LSAMP: variants seen among roughly 807,000 people sequenced by gnomAD.
LSAMP encodes the protein limbic system associated membrane protein, also known as limbic system-associated membrane protein.
A neutral mutation model predicts 38.6 loss-of-function variants in LSAMP; 7 were observed. The ratio of observed to expected loss-of-function variants is 0.18; its 90% CI spans 0.10 to 0.34. The LOEUF (loss-of-function observed/expected upper bound fraction) is 0.34, where lower values mean the gene tolerates loss of function less well. Ranked by LOEUF, LSAMP falls within the 10% of genes least tolerant of loss-of-function variation. The probability of loss-of-function intolerance (pLI) is 1.00; values close to 1 mark genes in which losing one functional copy is unlikely to be tolerated. For missense variants in LSAMP, 313 were observed against 420.0 expected, an observed-to-expected ratio of 0.75 and a Z score of 2.23; for synonymous variants, 154 against 166.8, an observed-to-expected ratio of 0.92 and a Z score of 0.59.
chr3:115,918,003 A>T (rs1278235037), intron 3 of LSAMP, among the ~76,000 whole-genome samples: 1 of 152,184 alleles, frequency 6.6e-6, no homozygotes, highest in Admixed American at 6.5e-5. Flanking sequence ...TTAAAGTTCC[A>T]TGAGAAGCAG....
chr3:116,371,645 T>C (rs2048430661), intron 1 of LSAMP, among the ~76,000 whole-genome samples: 1 of 152,112 alleles, frequency 6.6e-6, no homozygotes, highest in African/African-American at 2.4e-5. Flanking sequence ...GTGTGTGCTT[T>C]CATCACTTCT....
intron 1 of LSAMP, among the ~76,000 whole-genome samples, chr3:116,141,295 T>G (rs1709363007): frequency 6.6e-6 from 1 of 151,900 alleles, no homozygotes; most frequent in Non-Finnish European, 1.5e-5. Flanking sequence ...TGCCTCTATT[T>G]TTGGACAATT....
At chr3:116,369,627 A>G (rs1368262936) in intron 1 of LSAMP, among the ~76,000 whole-genome samples, 2 of 152,214 alleles carry the variant, frequency 1.3e-5, no homozygotes, top group African/African-American at 4.8e-5. Context: ...TAGAGGTGTT[A>G]GTGAAAATAG....
At chr3:115,987,805 C>A (rs778427975) in intron 3 of LSAMP, among the ~76,000 whole-genome samples, 2 of 152,040 alleles carry the variant, frequency 1.3e-5, no homozygotes, top group African/African-American at 2.4e-5. Context: ...GCATATTTTG[C>A]AGTCAGGAGA....
rs1442446471 is a variant in LSAMP, at chr3:116,081,049, T to TA, written c.388+5274dup. ...GAGCGATTCTGAGAGAAAAATGAGATACCGTCTTGGAGTTCTGGGTAACAG... is the reference window on the plus strand; with the variant it reads ...GAGCGATTCTGAGAGAAAAATGAGATAACCGTCTTGGAGTTCTGGGTAACAG... On this transcript the variant is annotated intron_variant, in intron 2 of 6. Coordinates refer to ENST00000490035, the MANE Select transcript of LSAMP (RefSeq NM_002338.5). Among the ~76,000 whole-genome samples, 9 of 152,282 alleles carry TA rather than the reference T, an allele frequency of 5.9e-5. No homozygotes were observed. The East Asian group carries it at 1.7e-3, about 29-fold the overall frequency.
intron 3 of LSAMP, among the ~76,000 whole-genome samples, chr3:115,895,499 T>A (rs1317604282): frequency 6.6e-6 from 1 of 151,956 alleles, no homozygotes; most frequent in Non-Finnish European, 1.5e-5. Context: ...TAAACAAAAA[T>A]ACAAACAGCC....
intron 1 of LSAMP, among the ~76,000 whole-genome samples, chr3:116,103,021 TA>T (rs1362805977): frequency 6.6e-6 from 1 of 152,192 alleles, no homozygotes; most frequent in East Asian, 1.9e-4. Flanking sequence ...AAAAAAACTT[TA>T]CTAAAGGAAG....
At chr3:116,116,797 A>G (rs1263198438) in intron 1 of LSAMP, among the ~76,000 whole-genome samples, 1 of 152,142 alleles carries the variant, frequency 6.6e-6, no homozygotes, top group Admixed American at 6.5e-5. Context: ...TCCAGGAGCC[A>G]CGTCAAAAGT....
At chr3:116,097,563 C>T (rs184812136) in intron 1 of LSAMP, among the ~76,000 whole-genome samples, 153 of 152,120 alleles carry the variant, frequency 1.0e-3, no homozygotes, top group African/African-American at 3.4e-3. Flanking sequence ...TATGCTATAA[C>T]GAAGTTAACA....
chr3:115,932,196 A>G (rs1308161064), intron 3 of LSAMP, among the ~76,000 whole-genome samples: 1 of 152,214 alleles, frequency 6.6e-6, no homozygotes, highest in African/African-American at 2.4e-5. Flanking sequence ...AGAACTTATA[A>G]GAAAGATACA....
intron 1 of LSAMP, among the ~76,000 whole-genome samples, chr3:116,104,285 C>T (rs141028113): frequency 3.0e-4 from 46 of 152,164 alleles, no homozygotes; most frequent in Middle Eastern, 6.8e-3. Context: ...CAATGCGAAA[C>T]AGTGTAGCCT....
At chr3:116,098,775 C>T (rs368053404) in intron 1 of LSAMP, among the ~76,000 whole-genome samples, 6 of 151,900 alleles carry the variant, frequency 3.9e-5, no homozygotes, top group Non-Finnish European at 7.4e-5. Flanking sequence ...CTCCCTTTTG[C>T]TGGAGGCCTG....
At chr3:116,045,347 G>C (rs1372315020) in intron 2 of LSAMP, among the ~76,000 whole-genome samples, 1 of 152,030 alleles carries the variant, frequency 6.6e-6, no homozygotes. Flanking sequence ...CAACATAAAA[G>C]TTTATAGAAG....
intron 6 of LSAMP, among the ~76,000 whole-genome samples, chr3:115,835,254 C>A (rs1934746861): frequency 6.6e-6 from 1 of 152,116 alleles, no homozygotes; most frequent in Non-Finnish European, 1.5e-5. Context: ...ATCAACCAAT[C>A]AAATTTGCTT....
intron 1 of LSAMP, among the ~76,000 whole-genome samples, chr3:116,119,228 G>T (rs566548605): frequency 6.6e-6 from 1 of 151,964 alleles, no homozygotes; most frequent in African/African-American, 2.4e-5. Flanking sequence ...GATGTAGGGA[G>T]AAAAGTGAGA....
chr3:115,919,934 A>G (rs1937344581), intron 3 of LSAMP, among the ~76,000 whole-genome samples: 1 of 152,204 alleles, frequency 6.6e-6, no homozygotes, highest in South Asian at 2.1e-4. Context: ...AGATACCAAT[A>G]TAACTGAAGT....
chr3:115,873,228 G>A (rs764338300), intron 3 of LSAMP, among the ~76,000 whole-genome samples: 11 of 152,042 alleles, frequency 7.2e-5, no homozygotes, highest in Middle Eastern at 3.4e-3. Flanking sequence ...AAATTAACTG[G>A]GACTGGTAGC....
chr3:115,980,608 A>G (rs1292358311), intron 3 of LSAMP, among the ~76,000 whole-genome samples: 2 of 152,176 alleles, frequency 1.3e-5, no homozygotes, highest in Non-Finnish European at 2.9e-5. Flanking sequence ...GCAAGTTGAC[A>G]ATCCATTTTG....
At chr3:116,303,598 A>G (rs1559820774) in intron 1 of LSAMP, among the ~76,000 whole-genome samples, 1 of 152,202 alleles carries the variant, frequency 6.6e-6, no homozygotes, top group Non-Finnish European at 1.5e-5. Context: ...GGTAAAAACT[A>G]TGTCAACAGA....
Sources: gnomAD v4.1 joint callset for allele counts (sites outside exome capture counted in the v4.1 genomes callset) on GRCh38, gnomAD v4.1.1 for gene constraint, MANE v1.5 for transcripts, NCBI Gene and HGNC (gene_info 2026-07-23, HGNC 2026-07-21) for gene names.